The following NRP1 variants were observed in gnomAD, a reference collection of about 807,000 sequenced individuals.
The protein encoded by NRP1 is neuropilin 1.
A neutral mutation model predicts 106.7 loss-of-function variants in NRP1; 35 were observed. That is an observed-to-expected ratio of 0.33 (90% CI 0.25 to 0.43). The LOEUF (loss-of-function observed/expected upper bound fraction) is 0.43. Among genes scored for constraint, NRP1 ranks in the 20% least tolerant of loss-of-function variants. The pLI, the probability that NRP1 is intolerant of heterozygous loss-of-function variation, is 1.00. For missense variants in NRP1, 1,024 were observed against 1,170.4 expected (o/e 0.87, Z 1.83); for synonymous variants, 437 against 417.9 (o/e 1.05, Z -0.56).
At chr10:33,207,486 A>G (rs1588722172) in intron 10 of NRP1, 86 bp downstream of exon 10, 3 of 1,494,790 alleles carry the variant, frequency 2.0e-6, no homozygotes, top group Non-Finnish European at 2.8e-6. Context: ...AGGGTAGGCA[A>G]TTTGCAAAGG....
intron 8 of NRP1, among the ~76,000 whole-genome samples, chr10:33,220,518 A>T (rs1033661860): frequency 2.0e-5 from 3 of 152,204 alleles, no homozygotes; most frequent in African/African-American, 7.2e-5. Flanking sequence ...TTTCAATGAA[A>T]GTTTGGCAAT....
intron 7 of NRP1, among the ~76,000 whole-genome samples, chr10:33,225,016 T>C (rs1019624044): frequency 6.6e-6 from 1 of 152,034 alleles, no homozygotes; most frequent in Non-Finnish European, 1.5e-5. Context: ...AAACTTGGGG[T>C]CAAAATTTAC....
At chr10:33,246,983 C>T (rs1215169066) in intron 6 of NRP1, among the ~76,000 whole-genome samples, 2 of 152,054 alleles carry the variant, frequency 1.3e-5, no homozygotes, top group Non-Finnish European at 2.9e-5. Flanking sequence ...ATTTCACAGG[C>T]GATACCTCTT....
intron 2 of NRP1, among the ~76,000 whole-genome samples, chr10:33,329,528 C>G (rs995573522): frequency 4.6e-5 from 7 of 152,268 alleles, no homozygotes; most frequent in Admixed American, 4.6e-4. Context: ...CTGTCTTTAA[C>G]AATGAATATA....
intron 6 of NRP1, among the ~76,000 whole-genome samples, chr10:33,253,475 A>G (rs1842001428): frequency 6.6e-6 from 1 of 152,192 alleles, no homozygotes; most frequent in Non-Finnish European, 1.5e-5. Flanking sequence ...GTCAATGGAG[A>G]GTGCCTTCAA....
intron 7 of NRP1, 145 bp downstream of exon 7, chr10:33,225,989 T>A: frequency 2.3e-6 from 2 of 872,484 alleles, no homozygotes; most frequent in Non-Finnish European, 3.5e-6. Flanking sequence ...ACCCCTTGGT[T>A]AGATTTAAAC....
At chr10:33,330,409 G>T (rs1186428735) in intron 2 of NRP1, among the ~76,000 whole-genome samples, 1 of 148,854 alleles carries the variant, frequency 6.7e-6, no homozygotes, top group East Asian at 2.0e-4. Context: ...AAAAAAAAAA[G>T]AAAGAAAAAA....
chr10:33,294,902 G>T (rs540515238), intron 2 of NRP1, among the ~76,000 whole-genome samples: 14 of 152,036 alleles, frequency 9.2e-5, no homozygotes, highest in Admixed American at 3.3e-4. Context: ...GCTGTGTTTG[G>T]GTTTCATCAT....
chr10:33,303,690 G>A (rs962150162), intron 2 of NRP1, among the ~76,000 whole-genome samples: 4 of 152,204 alleles, frequency 2.6e-5, no homozygotes, highest in African/African-American at 9.7e-5. Context: ...AATGTTAAAT[G>A]TGCTTTTGCA....
At chr10:33,274,199 C>T (rs1258969111) in intron 2 of NRP1, among the ~76,000 whole-genome samples, 2 of 152,174 alleles carry the variant, frequency 1.3e-5, no homozygotes, top group Non-Finnish European at 1.5e-5. Context: ...GGGTGTAATC[C>T]GCCAGGTGGT....
intron 6 of NRP1, among the ~76,000 whole-genome samples, chr10:33,237,627 T>G (rs777215320): frequency 7.1e-4 from 100 of 139,896 alleles, no homozygotes; most frequent in Non-Finnish European, 1.2e-3. Flanking sequence ...TTGCCCAGGC[T>G]GGAGTGCAAC....
intron 12 of NRP1, chr10:33,194,582 T>C (rs1179656575): frequency 5.5e-6 from 2 of 361,422 alleles, no homozygotes; most frequent in Non-Finnish European, 1.1e-5. Flanking sequence ...TGCCTTTACC[T>C]TCCAATGTCC....
At chr10:33,306,044 G>A (rs987267724) in intron 2 of NRP1, among the ~76,000 whole-genome samples, 11 of 152,130 alleles carry the variant, frequency 7.2e-5, no homozygotes, top group African/African-American at 2.7e-4. Context: ...TGGGATTACA[G>A]GCGTGCCACC....
At position 33,195,465 on chromosome 10, in the gene NRP1, AGAT is replaced by A. The variant is rs774287217; in HGVS notation, c.1924+2182_1924+2184del. On this transcript the variant is annotated intron_variant, in intron 12 of 16. Coordinates refer to ENST00000374867, the MANE Select transcript of NRP1 (RefSeq NM_003873.7). ...TTTATTATATTGATGAGAATCAGCA[AGAT>A]GAAATAGTAAGACTCTGAGTTGAGT... 7.5e-6 allele frequency: 4 copies of A among 532,790 alleles called. No individual in the cohort carries two copies. The Admixed American group carries it at 7.8e-5, about 10-fold the overall frequency. 33.0% of individuals were successfully genotyped at this position (532,790 alleles called of 1,614,324 possible). A position where few individuals can be genotyped will look rare whatever the true frequency, so the allele number is the denominator to read the frequency against.
chr10:33,304,782 G>T (rs1286209512), intron 2 of NRP1, among the ~76,000 whole-genome samples: 1 of 152,206 alleles, frequency 6.6e-6, no homozygotes, highest in Admixed American at 6.5e-5. Context: ...ACTCCTCACA[G>T]ATGGCATCTG....
intron 2 of NRP1, among the ~76,000 whole-genome samples, chr10:33,275,724 C>T (rs922394671): frequency 7.1e-6 from 1 of 140,422 alleles, no homozygotes; most frequent in Non-Finnish European, 1.5e-5. Context: ...AAAGCAAGAA[C>T]CCCCAACACC....
At chr10:33,193,161 G>T (rs907109259) in intron 12 of NRP1, among the ~76,000 whole-genome samples, 18 of 151,662 alleles carry the variant, frequency 1.2e-4, no homozygotes, top group Non-Finnish European at 2.9e-5. Flanking sequence ...TGTTCAAAAG[G>T]CTTCCTTAGG....
At chr10:33,325,531 A>G (rs1196459459) in intron 2 of NRP1, among the ~76,000 whole-genome samples, 1 of 152,236 alleles carries the variant, frequency 6.6e-6, no homozygotes, top group Non-Finnish European at 1.5e-5. Context: ...GCAGGAATAA[A>G]TGTAAATGTG....
In NRP1 at chr10:33,270,328, A is replaced by ATTT. The variant is rs11457192; in HGVS notation, c.430+344_430+346dup. Among the ~76,000 whole-genome samples, 267 of 143,006 alleles carry ATTT rather than the reference A, an allele frequency of 1.9e-3. 5 individuals carry two copies. Among genetic ancestry groups the ATTT allele is most frequent in the African/African-American group, 4.1e-3 (158 of 38,526 alleles). 93.8% of individuals were successfully genotyped at this position (143,006 alleles called of 152,430 possible). A position where few individuals can be genotyped will look rare whatever the true frequency, so the allele number is the denominator to read the frequency against. On this transcript the variant is annotated intron_variant, in intron 3 of 16. Coordinates refer to ENST00000374867, the MANE Select transcript of NRP1 (RefSeq NM_003873.7). ...CGTGAAATCAAACAATGTTAAATAA[A>ATTT]TTTTTTTTTTTTTTTTGAGACAGAG...
Sources: allele counts gnomAD v4.1 joint callset (sites outside exome capture counted in the v4.1 genomes callset), GRCh38; gene constraint gnomAD v4.1.1; transcripts MANE v1.5; gene names NCBI Gene and HGNC (gene_info 2026-07-23, HGNC 2026-07-21).